The following PAPSS2 variants were observed in gnomAD, a reference collection of about 807,000 sequenced individuals.
PAPSS2 encodes 3'-phosphoadenosine 5'-phosphosulfate synthase 2, also known as bifunctional 3'-phosphoadenosine 5'-phosphosulfate synthase 2.
PAPSS2 carries 61 observed loss-of-function variants against 66.5 expected under a neutral mutation model. The ratio of observed to expected loss-of-function variants is 0.92; its 90% CI spans 0.75 to 1.14. The LOEUF is 1.14. Ranked by LOEUF, PAPSS2 falls within the 50% of genes most tolerant of loss-of-function variation. The pLI, the probability that PAPSS2 is intolerant of heterozygous loss-of-function variation, is 0.00. For missense variants in PAPSS2, 708 were observed against 789.6 expected (o/e 0.90, Z 1.24); for synonymous variants, 289 against 287.5 (o/e 1.01, Z -0.05).
intron 9 of PAPSS2, among the ~76,000 whole-genome samples, chr10:87,734,526 A>G (rs1344065912): frequency 6.6e-6 from 1 of 151,904 alleles, no homozygotes; most frequent in African/African-American, 2.4e-5. Flanking sequence ...AGCTCTGTGC[A>G]CTTGAACTCT....
intron 9 of PAPSS2, among the ~76,000 whole-genome samples, chr10:87,737,651 T>G (rs1181316907): frequency 6.6e-6 from 1 of 151,844 alleles, no homozygotes; most frequent in Non-Finnish European, 1.5e-5. Context: ...TGAGAACCTG[T>G]CTCTACAAAA....
intron 1 of PAPSS2, among the ~76,000 whole-genome samples, chr10:87,662,951 T>A (rs1183055534): frequency 6.6e-6 from 1 of 150,690 alleles, no homozygotes; most frequent in Non-Finnish European, 1.5e-5. Flanking sequence ...TGATCTCAGC[T>A]CACTGCAACC....
chr10:87,727,397 A>G lies in PAPSS2; in HGVS notation c.994A>G (p.Ile332Val), dbSNP rs911657151. The change falls in exon 9 of 13, where the codon ATC becomes GTC. Residue 332 changes from isoleucine (I) to valine (V), a missense_variant. Physicochemically the swap from Ile to Val is conservative, Grantham distance 29. Coordinates refer to ENST00000456849, the MANE Select transcript of PAPSS2 (RefSeq NM_001015880.2). ...VLAHGGRRVA[I>V]LRDAEFYEHR... The stretch of plus-strand genomic sequence containing the variant: ...GGCACATGGTGGACGGAGGGTAGCT[A>G]TCTTACGAGACGCTGAATTCTATGA... 1.9e-6 allele frequency: 3 copies of G among 1,613,984 alleles called. No homozygotes were observed. In the African/African-American group the frequency reaches 4.0e-5, roughly 22 times the overall value.
chr10:87,688,791 A>G (rs1199141558), intron 1 of PAPSS2, among the ~76,000 whole-genome samples: 3 of 152,088 alleles, frequency 2.0e-5, no homozygotes, highest in Admixed American at 1.3e-4. Context: ...AAAAACCCAA[A>G]CAGTCCTTCT....
chr10:87,681,041 T>G (rs987257541), intron 1 of PAPSS2, among the ~76,000 whole-genome samples: 1 of 152,176 alleles, frequency 6.6e-6, no homozygotes, highest in Admixed American at 6.5e-5. Context: ...GAGCAATGTC[T>G]GGAGATCTTT....
intron 1 of PAPSS2, among the ~76,000 whole-genome samples, chr10:87,688,443 T>TTTTATTTTATTTTATTTATTTA (rs541821509): frequency 0.19 from 26,395 of 137,696 alleles, 2,937 homozygotes; most frequent in African/African-American, 0.27. Flanking sequence ...TTCTTTTTTA[T>TTTTATTTTATTTTATTTATTTA]TTTATTTATT....
At chr10:87,666,910 C>T (rs533879925) in intron 1 of PAPSS2, among the ~76,000 whole-genome samples, 1 of 152,072 alleles carries the variant, frequency 6.6e-6, no homozygotes, top group Non-Finnish European at 1.5e-5. Context: ...AGAAGCACAT[C>T]CAATGCCCTC....
chr10:87,672,360 G>C (rs1293676148), intron 1 of PAPSS2, among the ~76,000 whole-genome samples: 1 of 152,208 alleles, frequency 6.6e-6, no homozygotes, highest in Non-Finnish European at 1.5e-5. Context: ...TGATATAAAT[G>C]ATGTAACGTG....
intron 9 of PAPSS2, among the ~76,000 whole-genome samples, chr10:87,740,601 AC>A (rs2131729195): frequency 6.6e-6 from 1 of 152,342 alleles, no homozygotes; most frequent in South Asian, 2.1e-4. Flanking sequence ...CCACAGTCCA[AC>A]TTAAACCTTT....
At chr10:87,687,530 G>A (rs556952985) in intron 1 of PAPSS2, among the ~76,000 whole-genome samples, 8 of 152,110 alleles carry the variant, frequency 5.3e-5, no homozygotes, top group South Asian at 2.1e-4. Context: ...AAAGATGACC[G>A]CATAGAAATA....
intron 1 of PAPSS2, among the ~76,000 whole-genome samples, chr10:87,707,564 CTTTTTTTTTTTT>C (rs747152482): frequency 1.2e-4 from 11 of 93,978 alleles, no homozygotes; most frequent in Admixed American, 3.9e-4. Context: ...TCTTTTTTTT[CTTTTTTTTTTTT>C]TTTTTTTTTT....
chr10:87,724,025 T>C (rs1299033125), intron 8 of PAPSS2, among the ~76,000 whole-genome samples: 1 of 152,170 alleles, frequency 6.6e-6, no homozygotes, highest in African/African-American at 2.4e-5. Context: ...TTATTTTGTG[T>C]TATACGCTTA....
chr10:87,728,564 A>AC lies in PAPSS2; in HGVS notation c.1086+1079dup, dbSNP rs201762058. On this transcript the variant is annotated intron_variant, in intron 9 of 12. Coordinates refer to ENST00000456849, the MANE Select transcript of PAPSS2 (RefSeq NM_001015880.2). The stretch of plus-strand genomic sequence containing the variant: ...AGAACAGCCTGGCCAACATGGTGAA[A>AC]CCCCGTCTCTACTAAAAATACAGAT... Among the ~76,000 whole-genome samples the AC allele has an allele frequency of 4.9e-3, 745 of 152,032 alleles. 7 individuals are homozygous for AC. The highest frequency in any genetic ancestry group is 0.017 in the African/African-American group (691 of 41,446).
chr10:87,662,073 G>T (rs533265570), intron 1 of PAPSS2, among the ~76,000 whole-genome samples: 1 of 152,292 alleles, frequency 6.6e-6, no homozygotes, highest in African/African-American at 2.4e-5. Flanking sequence ...TGTTTGATAA[G>T]TATTGCTGAC....
At chr10:87,715,133 T>G (rs1313202044) in intron 6 of PAPSS2, 35 bp downstream of exon 6, 1 of 1,026,134 alleles carries the variant, frequency 9.7e-7, no homozygotes, top group Non-Finnish European at 1.6e-6. Flanking sequence ...TAATTAGGCT[T>G]AATATCAGTC....
chr10:87,721,324 G>A (rs748090779), intron 7 of PAPSS2, among the ~76,000 whole-genome samples: 15 of 152,090 alleles, frequency 9.9e-5, no homozygotes, highest in Non-Finnish European at 2.2e-4. Flanking sequence ...ATGTTCTAGG[G>A]CAGTTTGCTT....
At chr10:87,734,778 A>T (rs1221148421) in intron 9 of PAPSS2, among the ~76,000 whole-genome samples, 1 of 143,498 alleles carries the variant, frequency 7.0e-6, no homozygotes, top group Non-Finnish European at 1.5e-5. Context: ...TTTCATCATG[A>T]CCTTATCTTG....
chr10:87,692,330 G>A (rs7092680), intron 1 of PAPSS2, among the ~76,000 whole-genome samples: 8,521 of 152,152 alleles, frequency 0.056, 794 homozygotes, highest in African/African-American at 0.19. Flanking sequence ...TTGGGAGCCC[G>A]CAGCATATGG....
intron 1 of PAPSS2, among the ~76,000 whole-genome samples, chr10:87,672,036 A>C (rs548367720): frequency 6.6e-6 from 1 of 152,342 alleles, no homozygotes; most frequent in East Asian, 1.9e-4. Context: ...ATCAAGACTT[A>C]TTCATACTTT....
Sources: allele counts gnomAD v4.1 joint callset (sites outside exome capture counted in the v4.1 genomes callset), GRCh38; gene constraint gnomAD v4.1.1; transcripts MANE v1.5; gene names NCBI Gene and HGNC (gene_info 2026-07-23, HGNC 2026-07-21).